METTL13: variants seen among roughly 807,000 people sequenced by gnomAD.
The protein encoded by METTL13 is eEF1A lysine and N-terminal methyltransferase.
In METTL13, 52 loss-of-function variants were observed where a neutral mutation model predicts 67.4. The observed-to-expected ratio is 0.77, with a 90% CI of 0.62 to 0.97. The LOEUF (loss-of-function observed/expected upper bound fraction) is 0.97, where lower values mean the gene tolerates loss of function less well. METTL13 is among the 50% of genes least tolerant of loss of function. METTL13 has a pLI of 0.00. For missense variants in METTL13, 825 were observed against 889.6 expected, an observed-to-expected ratio of 0.93 and a Z score of 0.92; for synonymous variants, 354 against 353.6, an observed-to-expected ratio of 1.00 and a Z score of -0.01.
intron 3 of METTL13, among the ~76,000 whole-genome samples, chr1:171,786,985 G>A (rs74809574): frequency 1.3e-5 from 2 of 152,010 alleles, no homozygotes; most frequent in Non-Finnish European, 2.9e-5. Context: ...TGGGTTCCTG[G>A]CCTGTGGTTT....
In METTL13 at chr1:171,796,664, C is replaced by T; in HGVS notation, c.2008C>T (p.Gln670Ter). 1 of 1,614,166 alleles carries T rather than the reference C, an allele frequency of 6.2e-7. No individual in the cohort carries two copies. The highest frequency in any genetic ancestry group is 8.5e-7 in the Non-Finnish European group (1 of 1,180,014). Reference protein sequence around the residue: ...LATPELLETAQALERTLRKPG... With the variant: ...LATPELLETA ...CACACCAGAGCTCCTAGAAACAGCC[C>T]AGGCTTTGGAGCGGACCCTGAGGAA... The change falls in exon 8 of 8, where the codon CAG becomes TAG. Residue 670 changes from glutamine to a stop codon, truncating the protein, a stop_gained. Coordinates refer to ENST00000361735, the MANE Select transcript of METTL13 (RefSeq NM_015935.5). LOFTEE classifies it high-confidence loss of function.
chr1:171,784,456 C>T lies in METTL13; in HGVS notation c.870C>T (p.Pro290=). Residue 290 remains proline, a synonymous_variant, in exon 2 of 8, where the codon CCC becomes CCT. Transcript: ENST00000361735. ...ACACCCTCCACGTGGTGGACAGCCC[C>T]ACTGTGAAACCATCGCGGGACAATC... The part of the protein sequence containing the change: ...PRYTLHVVDS[P]TVKPSRDNHF... The T allele has an allele frequency of 1.3e-6, 2 of 1,509,950 alleles. No homozygotes were observed. Among genetic ancestry groups the T allele is most frequent in the South Asian group, 2.7e-5 (2 of 74,492 alleles). 93.5% of individuals were successfully genotyped at this position (1,509,950 alleles called of 1,614,324 possible). A position where few individuals can be genotyped will look rare whatever the true frequency, so the allele number is the denominator to read the frequency against.
chr1:171,796,517 G>A lies in METTL13; in HGVS notation c.1861G>A (p.Gly621Arg). The A allele has an allele frequency of 6.2e-7, 1 of 1,614,106 alleles. No homozygotes were observed. The highest frequency in any genetic ancestry group is 2.2e-5 in the East Asian group (1 of 44,884). ...FILNLVCRDL[G>R]LKDSVLAGLK... ...TCTCAACCTTGTGTGCCGAGACTTG[G>A]GGCTAAAAGACTCAGTGCTGGCTGG... is the stretch of plus-strand genomic sequence containing the variant. Residue 621 changes from glycine to arginine, a missense_variant, in exon 8 of 8, where the codon GGG (glycine) becomes AGG (arginine). Physicochemically the swap from Gly to Arg is moderately radical, Grantham distance 125. Coordinates refer to ENST00000361735, the MANE Select transcript of METTL13 (RefSeq NM_015935.5).
chr1:171,789,159 A>G (rs111858032), intron 4 of METTL13, among the ~76,000 whole-genome samples: 2 of 152,138 alleles, frequency 1.3e-5, no homozygotes, highest in South Asian at 2.1e-4. Context: ...CTTTGTTCTC[A>G]TGGAAAGAAC....
Position 171,787,812 on chromosome 1 carries a change from C to T in METTL13, c.1191C>T (p.Asp397=). 1 of 1,614,172 alleles carries T rather than the reference C, an allele frequency of 6.2e-7. No individual in the cohort carries two copies. Among genetic ancestry groups the T allele is most frequent in the Non-Finnish European group, 8.5e-7 (1 of 1,180,028 alleles). The change falls in exon 4 of 8, where the codon GAC becomes GAT. Residue 397 remains aspartate (D), a synonymous_variant. Transcript: ENST00000361735. ...AAGACTGCAGCCCCTTGAGCGGTGA[C>T]TATGTCATTGAGGATGTGCAAGGGG... ...QHQDCSPLSG[D]YVIEDVQGDD...
Position 171,796,831 on chromosome 1 carries a change from C to A in METTL13, c.*75C>A. ...CCTGCCAGAGAATGAAGAAATACAA[C>A]GCACAGTACTTTTGAAGCTTCGTAT... On this transcript the variant is annotated 3_prime_UTR_variant, in exon 8 of 8. Transcript: ENST00000361735. 1 of 1,528,978 alleles carries A rather than the reference C, an allele frequency of 6.5e-7. No individual in the cohort carries two copies. The highest frequency in any genetic ancestry group is 8.8e-7 in the Non-Finnish European group (1 of 1,134,278). The allele number at this position is 1,528,978 out of a possible 1,614,324, so 94.7% of individuals were successfully genotyped here.
In METTL13 at chr1:171,784,101, G is replaced by T; in HGVS notation, c.515G>T (p.Gly172Val). 1 of 1,614,212 alleles carries T rather than the reference G, an allele frequency of 6.2e-7. No homozygotes were observed. The highest frequency in any genetic ancestry group is 8.5e-7 in the Non-Finnish European group (1 of 1,180,036). Residue 172 changes from glycine (G) to valine (V), a missense_variant, in exon 2 of 8, where the codon GGC becomes GTC. Coordinates refer to ENST00000361735, the MANE Select transcript of METTL13 (RefSeq NM_015935.5). The stretch of plus-strand genomic sequence containing the variant: ...GCTCACATCCTGAAGAAAGCAGTGG[G>T]CCACTTCTCCCGGGAGGGGTGGATG... ...AQAHILKKAV[G>V]HFSREGWMVR...
At chr1:171,788,057 G>C in intron 4 of METTL13, 127 bp downstream of exon 4, 1 of 841,884 alleles carries the variant, frequency 1.2e-6, no homozygotes, top group South Asian at 1.7e-5. Context: ...GGACTCTTAG[G>C]GTGTGAATAG....
At chr1:171,789,689 T>G (rs1376895313) in intron 4 of METTL13, among the ~76,000 whole-genome samples, 1 of 152,352 alleles carries the variant, frequency 6.6e-6, no homozygotes, top group East Asian at 1.9e-4. Flanking sequence ...TAATCTTTTC[T>G]CCTGTTAGTG....
In METTL13 at chr1:171,784,023, T is replaced by C. The variant is rs371404027; in HGVS notation, c.437T>C (p.Val146Ala). The C allele has an allele frequency of 1.2e-6, 2 of 1,614,134 alleles. No individual in the cohort carries two copies. Among genetic ancestry groups the C allele is most frequent in the Non-Finnish European group, 1.7e-6 (2 of 1,180,018 alleles). Residue 146 changes from valine to alanine, a missense_variant, in exon 2 of 8, where the codon GTT becomes GCT. Physicochemically the swap from Val to Ala is moderately conservative, Grantham distance 64 (BLOSUM62 0). Transcript: ENST00000361735. ...CAGGTGGACAGGATGCTGGCTGAGG[T>C]TGGCCGTGTCCTGCAGGTGGGCGGT... ...LQQVDRMLAEVGRVLQVGGRY... is the reference protein window; with the variant it reads ...LQQVDRMLAEAGRVLQVGGRY...
chr1:171,782,040 GGAAA>G lies in METTL13; in HGVS notation c.79_82del (p.Lys27LeufsTer27), dbSNP rs777486081. On this transcript the variant is annotated frameshift_variant, in exon 1 of 8. Coordinates refer to ENST00000361735, the MANE Select transcript of METTL13 (RefSeq NM_015935.5). LOFTEE classifies it high-confidence loss of function. ...TTGGGAGAAGTTCTTCCAGCAGCGA[GGAAA>G]GAAAGCTTTCGAGTGGTATGGAACC... The G allele has an allele frequency of 6.2e-7, 1 of 1,614,140 alleles. No individual in the cohort carries two copies. The highest frequency in any genetic ancestry group is 1.1e-5 in the South Asian group (1 of 91,082).
intron 4 of METTL13, among the ~76,000 whole-genome samples, 199 bp from the exon 5 acceptor site, chr1:171,790,253 G>C (rs571007945): frequency 1.3e-5 from 2 of 152,152 alleles, no homozygotes; most frequent in African/African-American, 2.4e-5. Context: ...ACATTTCAAC[G>C]TGAGATTTGT....
chr1:171,789,576 T>C (rs1044239004), intron 4 of METTL13, among the ~76,000 whole-genome samples: 1 of 152,192 alleles, frequency 6.6e-6, no homozygotes, highest in African/African-American at 2.4e-5. Context: ...AGAATTGGAA[T>C]GATAAGGTTG....
intron 2 of METTL13, 138 bp downstream of exon 2, chr1:171,784,637 T>C: frequency 8.8e-7 from 1 of 1,138,450 alleles, no homozygotes; most frequent in Non-Finnish European, 1.2e-6. Flanking sequence ...GGGTTTGTAC[T>C]TCCAGAGGAT....
Position 171,783,964 on chromosome 1 carries a change from T to C in METTL13, c.378T>C (p.Ala126=), listed in dbSNP as rs752307458. The change falls in exon 2 of 8, where the codon GCT becomes GCC. Residue 126 remains alanine, a synonymous_variant. Transcript: ENST00000361735. The part of the protein sequence containing the change: ...QVVLDKGTLD[A]VLTDEEEKTL... ...TGTTGGACAAGGGCACCCTGGATGC[T>C]GTCCTGACAGATGAGGAAGAGAAGA... 1.9e-6 allele frequency: 3 copies of C among 1,614,262 alleles called. No homozygotes were observed. The highest frequency in any genetic ancestry group is 2.5e-6 in the Non-Finnish European group (3 of 1,180,048).
intron 6 of METTL13, 130 bp downstream of exon 6, chr1:171,792,365 T>C: frequency 1.0e-6 from 1 of 989,598 alleles, no homozygotes; most frequent in Non-Finnish European, 1.5e-6. Context: ...AGCCTGTTCA[T>C]TTGTTGATAT....
intron 3 of METTL13, among the ~76,000 whole-genome samples, chr1:171,787,306 C>T (rs1657050589): frequency 1.3e-5 from 2 of 152,168 alleles, no homozygotes; most frequent in South Asian, 4.1e-4. Flanking sequence ...AAAGGAATAT[C>T]TCTCTAGATT....
chr1:171,794,645 C>A lies in METTL13; in HGVS notation c.1825+118C>A, dbSNP rs1413598230. The A allele has an allele frequency of 2.1e-6, 3 of 1,398,158 alleles. No homozygotes were observed. The East Asian group carries it at 7.4e-5, about 34-fold the overall frequency. The allele number at this position is 1,398,158 out of a possible 1,614,324, so 86.6% of individuals were successfully genotyped here. A position where few individuals can be genotyped will look rare whatever the true frequency, so the allele number is the denominator to read the frequency against. On this transcript the variant is annotated intron_variant, in intron 7 of 7. Coordinates refer to ENST00000361735, the MANE Select transcript of METTL13 (RefSeq NM_015935.5). ...ATCAATTTTTCCAAATTTAATACACCCATTTACTAGCACTAGACACAGAAA... is the reference window on the plus strand; with the variant it reads ...ATCAATTTTTCCAAATTTAATACACACATTTACTAGCACTAGACACAGAAA...
intron 1 of METTL13, among the ~76,000 whole-genome samples, chr1:171,782,804 A>G (rs1480346595): frequency 2.0e-5 from 3 of 152,208 alleles, no homozygotes; most frequent in Admixed American, 2.0e-4. Context: ...CTATAAGAGC[A>G]TTAAGACGTA....
Sources: gnomAD v4.1 joint callset for allele counts (sites outside exome capture counted in the v4.1 genomes callset) on GRCh38, gnomAD v4.1.1 for gene constraint, MANE v1.5 for transcripts, NCBI Gene and HGNC (gene_info 2026-07-23, HGNC 2026-07-21) for gene names.